The following MTUS2 variants were observed in gnomAD, a reference collection of about 807,000 sequenced individuals.
MTUS2 encodes the protein microtubule-associated tumor suppressor candidate 2.
MTUS2 carries 40 observed loss-of-function variants against 114.1 expected under a neutral mutation model. That is an observed-to-expected ratio of 0.35 (90% confidence interval 0.27 to 0.46). MTUS2 has a LOEUF of 0.46. Among genes scored for constraint, MTUS2 ranks in the 20% least tolerant of loss-of-function variants. MTUS2 has a pLI of 1.00. For synonymous variants in MTUS2, 688 were observed against 672.0 expected, an observed-to-expected ratio of 1.02 and a Z score of -0.37; for missense variants, 1,679 against 1,705.4, an observed-to-expected ratio of 0.98 and a Z score of 0.27.
At chr13:29,075,570 A>G (rs1889154457) in intron 4 of MTUS2, among the ~76,000 whole-genome samples, 1 of 152,112 alleles carries the variant, frequency 6.6e-6, no homozygotes, top group Non-Finnish European at 1.5e-5. Context: ...TACTGGATTC[A>G]CTCCATTAGA....
chr13:29,122,913 T>C (rs1313422034), intron 5 of MTUS2, among the ~76,000 whole-genome samples: 1 of 152,248 alleles, frequency 6.6e-6, no homozygotes, highest in African/African-American at 2.4e-5. Flanking sequence ...AATGTAGCTT[T>C]TGTGGACAAT....
intron 8 of MTUS2, among the ~76,000 whole-genome samples, chr13:29,373,653 C>G (rs1871361248): frequency 6.6e-6 from 1 of 152,168 alleles, no homozygotes. Context: ...AATAGTACTT[C>G]AAAAGCTTTG....
At chr13:29,280,496 T>C (rs3936102) in intron 5 of MTUS2, among the ~76,000 whole-genome samples, 71,250 of 152,018 alleles carry the variant, frequency 0.47, 17,310 homozygotes, top group Non-Finnish European at 0.55. Context: ...AGAAAAAGAA[T>C]AATCTCTTAC....
At position 29,233,572 on chromosome 13, in the gene MTUS2, A is replaced by G. The variant is rs144448093; in HGVS notation, c.2645-48132A>G. The stretch of plus-strand genomic sequence containing the variant: ...ACAGCAACCTGCTGGAGATGCCAAT[A>G]ACAAGCTAAAATTCAGAACCTCGTG... On this transcript the variant is annotated intron_variant, in intron 5 of 15. Transcript: ENST00000612955. Among the ~76,000 whole-genome samples, 1,101 of 152,352 alleles carry G rather than the reference A, an allele frequency of 7.2e-3. 14 individuals carry two copies. The highest frequency in any genetic ancestry group is 0.025 in the African/African-American group (1,044 of 41,578).
chr13:29,411,836 G>T (rs1212239481), intron 8 of MTUS2, among the ~76,000 whole-genome samples: 1 of 152,124 alleles, frequency 6.6e-6, no homozygotes, highest in Non-Finnish European at 1.5e-5. Context: ...GTTCTTTGCT[G>T]CTTTTCTAAA....
At chr13:29,280,257 C>T (rs148294369) in intron 5 of MTUS2, among the ~76,000 whole-genome samples, 1 of 152,160 alleles carries the variant, frequency 6.6e-6, no homozygotes, top group Admixed American at 6.5e-5. Context: ...CAGTGCAGAT[C>T]CTTTCAATGG....
At chr13:29,370,087 T>C (rs938648947) in intron 8 of MTUS2, among the ~76,000 whole-genome samples, 2 of 152,220 alleles carry the variant, frequency 1.3e-5, no homozygotes, top group Admixed American at 1.3e-4. Flanking sequence ...TAGTGGCTCA[T>C]GCCTATAATC....
chr13:29,370,695 C>T (rs945001157), intron 8 of MTUS2, among the ~76,000 whole-genome samples: 1 of 152,170 alleles, frequency 6.6e-6, no homozygotes, highest in Non-Finnish European at 1.5e-5. Context: ...AATAAACTTC[C>T]TTCCTTTATG....
chr13:28,862,481 C>T (rs562575401), intron 2 of MTUS2, among the ~76,000 whole-genome samples: 5 of 152,240 alleles, frequency 3.3e-5, no homozygotes, highest in East Asian at 3.9e-4. Flanking sequence ...GGCATGGTGG[C>T]GCACACCTGT....
At chr13:28,944,944 T>G (rs2138147878) in intron 2 of MTUS2, among the ~76,000 whole-genome samples, 1 of 152,294 alleles carries the variant, frequency 6.6e-6, no homozygotes, top group East Asian at 1.9e-4. Context: ...ACATTGAACC[T>G]ATTAAGTAAC....
rs1883048085 is a variant in MTUS2, at chr13:29,503,484, G to C, written c.*278G>C. 7.2e-6 allele frequency: 4 copies of C among 555,594 alleles called. No homozygotes were observed. The highest frequency in any genetic ancestry group is 6.5e-5 in the South Asian group (3 of 46,044). The allele number at this position is 555,594 out of a possible 1,614,324, so 34.4% of individuals were successfully genotyped here. A position where few individuals can be genotyped will look rare whatever the true frequency, so the allele number is the denominator to read the frequency against. The stretch of plus-strand genomic sequence containing the variant: ...TCTTGAGCAATGAACTTTCACTGCA[G>C]AATTTCAGGTTAGTTACAAAAAGCT... On this transcript the variant is annotated 3_prime_UTR_variant, in exon 16 of 16. Coordinates refer to ENST00000612955, the MANE Select transcript of MTUS2 (RefSeq NM_001033602.4).
intron 2 of MTUS2, among the ~76,000 whole-genome samples, chr13:28,890,157 C>T (rs1353558809): frequency 6.6e-6 from 1 of 152,158 alleles, no homozygotes; most frequent in African/African-American, 2.4e-5. Flanking sequence ...TATTAGAGCT[C>T]TCAGTGATTA....
At chr13:29,004,039 G>A (rs3899580) in intron 2 of MTUS2, among the ~76,000 whole-genome samples, 2,685 of 152,280 alleles carry the variant, frequency 0.018, 81 homozygotes, top group African/African-American at 0.061. Flanking sequence ...TTTATGGAGT[G>A]TAGGTTTCTT....
chr13:29,205,995 A>G (rs1321073118), intron 5 of MTUS2, among the ~76,000 whole-genome samples: 2 of 152,176 alleles, frequency 1.3e-5, no homozygotes, highest in Admixed American at 6.5e-5. Context: ...ACTGTTTTCC[A>G]TAGTGGTTTG....
At chr13:28,868,610 A>G (rs1216870122) in intron 2 of MTUS2, among the ~76,000 whole-genome samples, 6 of 152,176 alleles carry the variant, frequency 3.9e-5, no homozygotes, top group Admixed American at 6.5e-5. Flanking sequence ...TTCCTGGGAA[A>G]ACTACCCCAA....
intron 6 of MTUS2, among the ~76,000 whole-genome samples, chr13:29,312,998 G>A (rs1899835994): frequency 6.6e-6 from 1 of 152,208 alleles, no homozygotes. Flanking sequence ...TGATTAGTTA[G>A]TAATAATAAC....
chr13:29,033,502 C>T (rs1382686402), intron 3 of MTUS2, among the ~76,000 whole-genome samples: 1 of 152,076 alleles, frequency 6.6e-6, no homozygotes, highest in Non-Finnish European at 1.5e-5. Flanking sequence ...TTTTTTCCCA[C>T]AGGTATAATA....
intron 6 of MTUS2, chr13:29,307,779 G>T (rs1899545130): frequency 2.0e-6 from 2 of 1,020,946 alleles, no homozygotes; most frequent in Admixed American, 1.7e-5. Context: ...TGTCCTCCAA[G>T]GAGTAAGACC....
rs367947617 is a variant in MTUS2, at chr13:28,832,201, G to A, written c.-315-7577G>A. On this transcript the variant is annotated intron_variant, in intron 1 of 15. Coordinates refer to ENST00000612955, the MANE Select transcript of MTUS2 (RefSeq NM_001033602.4). The stretch of plus-strand genomic sequence containing the variant: ...ACACCTAAAGAACACTTCACCCAGT[G>A]GTAGCAGAATATACATTGTTCTTAA... 3.4e-4 allele frequency among the ~76,000 whole-genome samples: 51 copies of A among 152,218 alleles called. 2 individuals are homozygous for A. The South Asian group carries it at 0.01, about 30-fold the overall frequency.
Sources: gnomAD v4.1 joint callset for allele counts (sites outside exome capture counted in the v4.1 genomes callset) on GRCh38, gnomAD v4.1.1 for gene constraint, MANE v1.5 for transcripts, NCBI Gene and HGNC (gene_info 2026-07-23, HGNC 2026-07-21) for gene names.